FAM193A: variants seen among roughly 807,000 people sequenced by gnomAD.
FAM193A encodes the protein family with sequence similarity 193 member A.
In FAM193A, 22 loss-of-function variants were observed where a neutral mutation model predicts 126.5. The ratio of observed to expected loss-of-function variants is 0.17; its 90% CI spans 0.12 to 0.25. FAM193A has a LOEUF of 0.25. FAM193A is among the 10% of genes least tolerant of loss of function. The pLI is 1.00. For missense variants in FAM193A, 1,675 were observed against 1,672.8 expected (o/e 1.00, Z -0.02); for synonymous variants, 761 against 646.8 (o/e 1.18, Z -2.68).
At position 2,578,731 on chromosome 4, in the gene FAM193A, T is replaced by G. The variant is rs985211321; in HGVS notation, c.256-17353T>G. ...ACATTCGATGAACAAATATTTTGCT[T>G]CTTATAGATATTATCTACTGTATTC... On this transcript the variant is annotated intron_variant, in intron 1 of 20. Transcript: ENST00000637812. Among the ~76,000 whole-genome samples, 4 of 152,186 alleles carry G rather than the reference T, an allele frequency of 2.6e-5. 1 individual carries two copies. Among genetic ancestry groups the G allele is most frequent in the Middle Eastern group, 6.3e-3 (2 of 316 alleles).
Position 2,659,661 on chromosome 4 carries a change from A to G in FAM193A, c.1493A>G (p.Tyr498Cys). The change falls in exon 9 of 21, where the codon TAC becomes TGC. Residue 498 changes from tyrosine to cysteine, a missense_variant. By Grantham distance (194) the Tyr-to-Cys change is radical. Coordinates refer to ENST00000637812, the MANE Select transcript of FAM193A (RefSeq NM_001366318.2). ...ATGCCCGACTGCCCCAACTGCAACT[A>G]CAGGAGAAGGTAAGGCTGGGTTGTG... Reference protein sequence around the residue: ...LSMPDCPNCNYRRRCACDDCS... With the variant: ...LSMPDCPNCNCRRRCACDDCS... 6.2e-7 allele frequency: 1 copy of G among 1,613,872 alleles called. No homozygotes were observed. Among genetic ancestry groups the G allele is most frequent in the South Asian group, 1.1e-5 (1 of 91,062 alleles).
At chr4:2,557,779 T>C (rs1738347310) in intron 1 of FAM193A, among the ~76,000 whole-genome samples, 2 of 151,518 alleles carry the variant, frequency 1.3e-5, no homozygotes, top group African/African-American at 2.4e-5. Context: ...GGTGAAACAC[T>C]GTCTCTACTA....
intron 7 of FAM193A, among the ~76,000 whole-genome samples, chr4:2,656,263 C>T (rs1471291996): frequency 8.5e-5 from 13 of 152,078 alleles, no homozygotes; most frequent in East Asian, 5.8e-4. Context: ...TAGAACCTAC[C>T]GTAAAACTTT....
At chr4:2,543,978 A>G (rs1313367904) in intron 1 of FAM193A, among the ~76,000 whole-genome samples, 1 of 149,728 alleles carries the variant, frequency 6.7e-6, no homozygotes, top group Non-Finnish European at 1.5e-5. Flanking sequence ...ATTATTATGG[A>G]TCTTTGGGGT....
At chr4:2,542,757 G>T (rs1737307218) in intron 1 of FAM193A, among the ~76,000 whole-genome samples, 1 of 152,280 alleles carries the variant, frequency 6.6e-6, no homozygotes, top group East Asian at 1.9e-4. Flanking sequence ...GTAGTCACCA[G>T]GCCAGGAGGT....
intron 15 of FAM193A, among the ~76,000 whole-genome samples, chr4:2,692,666 A>T (rs1716533383): frequency 6.6e-6 from 1 of 152,214 alleles, no homozygotes; most frequent in African/African-American, 2.4e-5. Context: ...GTAGCCTATT[A>T]AAAATGTTAA....
intron 18 of FAM193A, 98 bp from the exon 19 acceptor site, chr4:2,699,582 C>A (rs1717457333): frequency 1.7e-6 from 2 of 1,181,084 alleles, no homozygotes; most frequent in East Asian, 4.8e-5. Flanking sequence ...GTTTATGTTC[C>A]ATATGTGATT....
At position 2,700,067 on chromosome 4, in the gene FAM193A, C is replaced by G. The variant is rs773424756; in HGVS notation, c.3895C>G (p.Pro1299Ala). 1 of 1,613,842 alleles carries G rather than the reference C, an allele frequency of 6.2e-7. No homozygotes were observed. Among genetic ancestry groups the G allele is most frequent in the Admixed American group, 1.7e-5 (1 of 59,972 alleles). ...AGGGGCTGATGGGGATGCTGCAGACCCCGTCGACACCAGAGACTCCAAATT... is the reference window on the plus strand; with the variant it reads ...AGGGGCTGATGGGGATGCTGCAGACGCCGTCGACACCAGAGACTCCAAATT... The part of the protein sequence containing the change: ...GLGADGDAAD[P>A]VDTRDSKFLL... The change falls in exon 19 of 21, where the codon CCC (proline) becomes GCC (alanine). Residue 1299 changes from proline (P) to alanine (A), a missense_variant. Around this residue, in one of 4 missense-constraint regions of FAM193A, gnomAD observed 415 missense variants for 396.7 expected, o/e 1.05. Transcript: ENST00000637812.
At chr4:2,691,953 C>T (rs754261282) in intron 15 of FAM193A, among the ~76,000 whole-genome samples, 4 of 152,000 alleles carry the variant, frequency 2.6e-5, no homozygotes, top group Non-Finnish European at 4.4e-5. Flanking sequence ...CATGCTGCAC[C>T]CCCAGGGTAA....
intron 5 of FAM193A, among the ~76,000 whole-genome samples, chr4:2,633,398 C>T (rs1743794707): frequency 6.6e-6 from 1 of 151,510 alleles, no homozygotes. Context: ...GACTCTGTCT[C>T]ACACACAAAA....
chr4:2,672,214 C>T lies in FAM193A; in HGVS notation c.2173C>T (p.Pro725Ser). ...PSAMTAGALP[P>S]GHQFLSPEKP... ...TGCAATGACAGCCGGAGCCCTTCCT[C>T]CTGGCCATCAGTTCTTGAGCCCAGA... Residue 725 changes from proline to serine, a missense_variant, in exon 13 of 21, where the codon CCT (proline) becomes TCT (serine). Around this residue, in one of 4 missense-constraint regions of FAM193A, gnomAD observed 1,186 missense variants for 1,109.2 expected, o/e 1.07. Coordinates refer to ENST00000637812, the MANE Select transcript of FAM193A (RefSeq NM_001366318.2). The T allele has an allele frequency of 1.2e-6, 2 of 1,614,242 alleles. No individual in the cohort carries two copies. Among genetic ancestry groups the T allele is most frequent in the Non-Finnish European group, 1.7e-6 (2 of 1,180,036 alleles).
intron 1 of FAM193A, among the ~76,000 whole-genome samples, chr4:2,563,389 A>G (rs956763558): frequency 6.6e-6 from 1 of 152,176 alleles, no homozygotes; most frequent in African/African-American, 2.4e-5. Flanking sequence ...GAGTTCTGCT[A>G]ATTTTAATTA....
At chr4:2,681,673 A>T (rs13139534) in intron 13 of FAM193A, among the ~76,000 whole-genome samples, 1 of 152,064 alleles carries the variant, frequency 6.6e-6, no homozygotes, top group African/African-American at 2.4e-5. Flanking sequence ...CATGTTGCCC[A>T]GGTTGGTCTC....
At chr4:2,697,484 T>C (rs922512054) in intron 18 of FAM193A, among the ~76,000 whole-genome samples, 2 of 152,188 alleles carry the variant, frequency 1.3e-5, no homozygotes, top group Non-Finnish European at 2.9e-5. Flanking sequence ...AGTGAGCAGA[T>C]GTGGGCTGCA....
intron 2 of FAM193A, among the ~76,000 whole-genome samples, chr4:2,610,190 C>G (rs1741780201): frequency 6.6e-6 from 1 of 152,084 alleles, no homozygotes; most frequent in African/African-American, 2.4e-5. Flanking sequence ...CGAGATCACG[C>G]CACTAAACTC....
At chr4:2,662,271 T>TA (rs1375467998) in intron 10 of FAM193A, among the ~76,000 whole-genome samples, 12 of 152,212 alleles carry the variant, frequency 7.9e-5, no homozygotes, top group African/African-American at 2.9e-4. Flanking sequence ...GATATTTAAT[T>TA]ACGATCATGA....
At chr4:2,653,609 A>G (rs768023911) in intron 7 of FAM193A, among the ~76,000 whole-genome samples, 1 of 152,008 alleles carries the variant, frequency 6.6e-6, no homozygotes, top group East Asian at 1.9e-4. Context: ...ACGCCCGGCT[A>G]ATTTTTGTAT....
chr4:2,646,238 C>T (rs1011315960), intron 6 of FAM193A, among the ~76,000 whole-genome samples: 140 of 134,972 alleles, frequency 1.0e-3, no homozygotes, highest in Middle Eastern at 4.3e-3. Context: ...GGTGTGATTT[C>T]GGCTCACTGC....
At chr4:2,723,404 CT>C (rs1343164196) in intron 20 of FAM193A, among the ~76,000 whole-genome samples, 1 of 152,014 alleles carries the variant, frequency 6.6e-6, no homozygotes, top group Admixed American at 6.6e-5. Context: ...TTGAAACCCC[CT>C]CTCTACTGAA....
Sources: gnomAD v4.1 joint callset for allele counts (sites outside exome capture counted in the v4.1 genomes callset) on GRCh38, gnomAD v4.1.1 for gene constraint, gnomAD v4.1.1 regional missense constraint, MANE v1.5 for transcripts, NCBI Gene and HGNC (gene_info 2026-07-23, HGNC 2026-07-21) for gene names.